The following GAP43 variants were observed in gnomAD, a reference collection of about 807,000 sequenced individuals.
GAP43 encodes neuromodulin.
A neutral mutation model predicts 18.6 loss-of-function variants in GAP43; 6 were observed. The ratio of observed to expected loss-of-function variants is 0.32; its 90% CI spans 0.18 to 0.64. The LOEUF is 0.64. GAP43 is among the 30% of genes least tolerant of loss of function. The pLI, the probability that GAP43 is intolerant of heterozygous loss-of-function variation, is 0.78. For missense variants in GAP43, 292 were observed against 295.5 expected (o/e 0.99, Z 0.09); for synonymous variants, 115 against 111.4 (o/e 1.03, Z -0.20).
intron 2 of GAP43, among the ~76,000 whole-genome samples, chr3:115,706,511 AT>A (rs1293781942): frequency 6.6e-6 from 1 of 152,180 alleles, no homozygotes; most frequent in Non-Finnish European, 1.5e-5. Flanking sequence ...ACTGGCTGCT[AT>A]TCTTTAGATG....
chr3:115,641,391 T>C (rs1313042909), intron 1 of GAP43, among the ~76,000 whole-genome samples: 3 of 151,816 alleles, frequency 2.0e-5, no homozygotes, highest in Admixed American at 2.0e-4. Context: ...TTTGTGTGTG[T>C]GTGTGTATAC....
chr3:115,635,658 A>G (rs1466175702), intron 1 of GAP43, among the ~76,000 whole-genome samples: 3 of 152,124 alleles, frequency 2.0e-5, no homozygotes, highest in African/African-American at 7.2e-5. Flanking sequence ...AAACACAATA[A>G]GCCCAAGAGA....
chr3:115,656,816 C>T (rs1424807920), intron 1 of GAP43, among the ~76,000 whole-genome samples: 3 of 152,132 alleles, frequency 2.0e-5, no homozygotes, highest in Non-Finnish European at 4.4e-5. Context: ...GTCTGTAAAA[C>T]TCAGATTGAT....
At chr3:115,625,865 G>T (rs1274843338) in intron 1 of GAP43, among the ~76,000 whole-genome samples, 2 of 152,148 alleles carry the variant, frequency 1.3e-5, no homozygotes, top group African/African-American at 4.8e-5. Flanking sequence ...TGTGTAAGTG[G>T]TTTCCACATG....
At chr3:115,624,035 G>A (rs1316119832) in intron 1 of GAP43, among the ~76,000 whole-genome samples, 1 of 152,032 alleles carries the variant, frequency 6.6e-6, no homozygotes, top group Admixed American at 6.6e-5. Context: ...CGTAGAAAGG[G>A]GTGTGGGGGA....
chr3:115,690,557 A>G (rs1709096101), intron 2 of GAP43, among the ~76,000 whole-genome samples: 1 of 152,078 alleles, frequency 6.6e-6, no homozygotes, highest in African/African-American at 2.4e-5. Flanking sequence ...TAGAGATTAA[A>G]ATGTTACCCT....
intron 2 of GAP43, among the ~76,000 whole-genome samples, chr3:115,704,169 T>C (rs1309640715): frequency 6.6e-6 from 1 of 152,060 alleles, no homozygotes; most frequent in African/African-American, 2.4e-5. Flanking sequence ...AAAAATTAAC[T>C]CCCAAACTGA....
At chr3:115,719,965 A>T (rs1449371276) in intron 2 of GAP43, among the ~76,000 whole-genome samples, 1 of 152,244 alleles carries the variant, frequency 6.6e-6, no homozygotes, top group Non-Finnish European at 1.5e-5. Flanking sequence ...TCAAAAAGAC[A>T]TGATATCCTC....
rs971618550 is a variant in GAP43, at chr3:115,676,753, C to T, written c.628+143C>T. 5 of 894,632 alleles carry T rather than the reference C, an allele frequency of 5.6e-6. No individual in the cohort carries two copies. The Admixed American group carries it at 1.5e-4, about 28-fold the overall frequency. The allele number at this position is 894,632 out of a possible 1,614,324, so 55.4% of individuals were successfully genotyped here. A position where few individuals can be genotyped will look rare whatever the true frequency, so the allele number is the denominator to read the frequency against. On this transcript the variant is annotated intron_variant, in intron 2 of 2. Transcript: ENST00000305124. ...AATCAAGGGAAGCTGTGCTTAATTTCCCAAAGTGGCAGGACTAAGAGCTAA... is the reference window on the plus strand; with the variant it reads ...AATCAAGGGAAGCTGTGCTTAATTTTCCAAAGTGGCAGGACTAAGAGCTAA...
intron 2 of GAP43, among the ~76,000 whole-genome samples, chr3:115,702,117 T>G (rs1709304175): frequency 6.6e-6 from 1 of 152,088 alleles, no homozygotes; most frequent in African/African-American, 2.4e-5. Context: ...GAGCCAGGAA[T>G]GGAGTCAAGA....
At chr3:115,641,431 C>G (rs1183650395) in intron 1 of GAP43, among the ~76,000 whole-genome samples, 3 of 150,752 alleles carry the variant, frequency 2.0e-5, no homozygotes, top group African/African-American at 7.3e-5. Context: ...CATATATATA[C>G]ACACAGACAC....
chr3:115,646,464 C>T (rs1037640875), intron 1 of GAP43, among the ~76,000 whole-genome samples: 4 of 152,016 alleles, frequency 2.6e-5, no homozygotes, highest in Admixed American at 1.3e-4. Flanking sequence ...AAACTTTGCA[C>T]GGTTCATCTT....
chr3:115,712,973 C>T (rs933540505), intron 2 of GAP43, among the ~76,000 whole-genome samples: 2 of 151,998 alleles, frequency 1.3e-5, no homozygotes, highest in Admixed American at 6.5e-5. Context: ...ATTCTCCTCA[C>T]ATCAAAATGA....
chr3:115,642,370 T>C (rs1166201361), intron 1 of GAP43, among the ~76,000 whole-genome samples: 1 of 151,852 alleles, frequency 6.6e-6, no homozygotes, highest in Non-Finnish European at 1.5e-5. Context: ...TAATCTACCA[T>C]GAGCCAAGAA....
chr3:115,659,613 AATATT>A (rs1453506172), intron 1 of GAP43, among the ~76,000 whole-genome samples: 5 of 147,102 alleles, frequency 3.4e-5, no homozygotes, highest in Non-Finnish European at 6.2e-5. Context: ...ATTAAAATAA[AATATT>A]AGAGAGAGAG....
At chr3:115,720,219 G>A (rs1709559039) in intron 2 of GAP43, among the ~76,000 whole-genome samples, 1 of 152,148 alleles carries the variant, frequency 6.6e-6, no homozygotes, top group South Asian at 2.1e-4. Flanking sequence ...GCCATGTATT[G>A]TTTGATGTCC....
chr3:115,638,241 G>A (rs745814171), intron 1 of GAP43, among the ~76,000 whole-genome samples: 41 of 152,038 alleles, frequency 2.7e-4, no homozygotes, highest in South Asian at 6.2e-4. Context: ...CCCATTCCAC[G>A]TAGAATCAAA....
At chr3:115,720,461 C>T (rs889147347) in intron 2 of GAP43, among the ~76,000 whole-genome samples, 8 of 152,158 alleles carry the variant, frequency 5.3e-5, no homozygotes, top group African/African-American at 1.7e-4. Context: ...ACAAGATTGT[C>T]GTTGATTCCC....
At chr3:115,651,560 A>AT (rs1404656179) in intron 1 of GAP43, among the ~76,000 whole-genome samples, 1 of 152,004 alleles carries the variant, frequency 6.6e-6, no homozygotes, top group Non-Finnish European at 1.5e-5. Context: ...ACATTTCTAT[A>AT]TTTTTCTTTT....
Sources: gnomAD v4.1 joint callset for allele counts (sites outside exome capture counted in the v4.1 genomes callset) on GRCh38, gnomAD v4.1.1 for gene constraint, MANE v1.5 for transcripts, NCBI Gene and HGNC (gene_info 2026-07-23, HGNC 2026-07-21) for gene names.